The following NPIPB2 variants were observed in gnomAD, a reference collection of about 807,000 sequenced individuals.
The protein encoded by NPIPB2 is nuclear pore complex-interacting protein family member B2.
Under a neutral mutation model 30.8 loss-of-function variants are expected in NPIPB2, and 27 were observed. The ratio of observed to expected loss-of-function variants is 0.88; its 90% CI spans 0.65 to 1.21. The LOEUF is 1.21. Among genes scored for constraint, NPIPB2 ranks in the 50% most tolerant of loss-of-function variants. The probability of loss-of-function intolerance (pLI) is 0.00; values close to 1 mark genes in which losing one functional copy is unlikely to be tolerated. For missense variants in NPIPB2, 440 were observed against 446.2 expected (o/e 0.99, Z 0.13); for synonymous variants, 147 against 162.0 (o/e 0.91, Z 0.70).
intron 1 of NPIPB2, among the ~76,000 whole-genome samples, chr16:11,955,383 G>A (rs1414757786): frequency 2.0e-5 from 3 of 147,196 alleles, no homozygotes; most frequent in Admixed American, 6.9e-5. Flanking sequence ...AAAAGGTTTC[G>A]GGATTTAGAG....
At chr16:11,975,637 C>T (rs145689659) in intron 1 of NPIPB2, among the ~76,000 whole-genome samples, 54 of 152,102 alleles carry the variant, frequency 3.6e-4, no homozygotes, top group Non-Finnish European at 5.6e-4. Context: ...GTCACCCAGG[C>T]TGGAGTGCAG....
At chr16:11,965,650 C>T (rs887292783) in intron 1 of NPIPB2, among the ~76,000 whole-genome samples, 1 of 152,018 alleles carries the variant, frequency 6.6e-6, no homozygotes, top group African/African-American at 2.4e-5. Flanking sequence ...TGATTCAGCA[C>T]TATTAGCAAC....
At chr16:11,934,739 G>A (rs1374241824) in intron 2 of NPIPB2, among the ~76,000 whole-genome samples, 2 of 145,018 alleles carry the variant, frequency 1.4e-5, no homozygotes, top group African/African-American at 2.5e-5. Flanking sequence ...CACGCCTGTA[G>A]CCCCAGCTAC....
At chr16:11,949,959 T>C (rs1054591519) in intron 1 of NPIPB2, among the ~76,000 whole-genome samples, 3 of 152,244 alleles carry the variant, frequency 2.0e-5, no homozygotes, top group African/African-American at 7.2e-5. Context: ...CAGGAATATC[T>C]GGTTCTCATT....
chr16:11,944,035 A>C (rs949463750), upstream of NPIPB2, among the ~76,000 whole-genome samples: 9 of 151,080 alleles, frequency 6.0e-5, no homozygotes, highest in Non-Finnish European at 8.8e-5. Context: ...CTAATAGTAT[A>C]ATTTATAAGA....
chr16:11,976,432 A>C, intron 1 of NPIPB2: 1 of 230,870 alleles, frequency 4.3e-6, no homozygotes, highest in Non-Finnish European at 8.3e-6. Flanking sequence ...CCGTTCCTCT[A>C]TTTTTATTTC....
upstream of NPIPB2, among the ~76,000 whole-genome samples, chr16:11,943,992 T>C (rs1567470648): frequency 1.5e-3 from 1 of 654 alleles, no homozygotes; most frequent in Non-Finnish European, 0.028. Flanking sequence ...AGCAAGACTC[T>C]GTCTCAAAAA....
chr16:11,932,323 A>G (rs1348899352), intron 4 of NPIPB2, among the ~76,000 whole-genome samples: 1 of 151,054 alleles, frequency 6.6e-6, no homozygotes, highest in Admixed American at 6.6e-5. Context: ...CCAAAACATG[A>G]AAGACTGTGA....
At position 11,932,534 on chromosome 16, in the gene NPIPB2, T is replaced by C. The variant is rs151005039; in HGVS notation, c.488+983A>G. On this transcript the variant is annotated intron_variant, in intron 4 of 7. Transcript: ENST00000399147. ...GGCTCATGCCTGTAATCTCAGCACA[T>C]TGGGAGGCCGAGGTGTGCGGATCAT... Among the ~76,000 whole-genome samples the C allele has an allele frequency of 9.3e-3, 1,415 of 151,426 alleles. 17 individuals are homozygous for C. The highest frequency in any genetic ancestry group is 0.025 in the South Asian group (120 of 4,780).
chr16:11,943,140 T>C (rs890940650), upstream of NPIPB2, among the ~76,000 whole-genome samples: 1 of 151,288 alleles, frequency 6.6e-6, no homozygotes, highest in Non-Finnish European at 1.5e-5. Flanking sequence ...GCCAATATGG[T>C]GAAACCCTGT....
chr16:11,939,575 A>T lies in NPIPB2; in HGVS notation c.64-1907T>A, dbSNP rs1338998393. ...ACTCTGTCTCAAAAAAAAAAAAAAA[A>T]AAAAAAATTACCAAGGTGGAGATCA... On this transcript the variant is annotated intron_variant, in intron 1 of 7. Coordinates refer to ENST00000399147, the Ensembl canonical transcript of NPIPB2. Among the ~76,000 whole-genome samples the T allele has an allele frequency of 9.8e-3, 1,301 of 132,758 alleles. 37 individuals are homozygous for T. Among genetic ancestry groups the T allele is most frequent in the African/African-American group, 0.034 (1,253 of 37,282 alleles). The allele number at this position is 132,758 out of a possible 152,430, so 87.1% of individuals were successfully genotyped here. A position where few individuals can be genotyped will look rare whatever the true frequency, so the allele number is the denominator to read the frequency against.
chr16:11,947,843 A>T (rs1596498919), intron 1 of NPIPB2, among the ~76,000 whole-genome samples: 1 of 151,234 alleles, frequency 6.6e-6, no homozygotes, highest in South Asian at 2.1e-4. Flanking sequence ...TCTGGAAGGG[A>T]GCAGCTGGTC....
intron 1 of NPIPB2, chr16:11,965,470 T>A (rs369612176): frequency 1.9e-6 from 3 of 1,613,222 alleles, no homozygotes; most frequent in Non-Finnish European, 2.5e-6. Context: ...TAATATTGCT[T>A]GAACGATTAT....
chr16:11,952,302 C>A (rs1007766908), intron 1 of NPIPB2, among the ~76,000 whole-genome samples: 1 of 151,534 alleles, frequency 6.6e-6, no homozygotes, highest in Admixed American at 6.6e-5. Flanking sequence ...GAGCAGAGAT[C>A]GCGCCACTGC....
intron 1 of NPIPB2, among the ~76,000 whole-genome samples, chr16:11,955,278 T>C (rs934264693): frequency 7.5e-6 from 1 of 133,532 alleles, no homozygotes; most frequent in African/African-American, 2.9e-5. Context: ...CACTTGAACC[T>C]GGGAGGCGGG....
intron 2 of NPIPB2, among the ~76,000 whole-genome samples, chr16:11,935,527 T>C (rs1475172570): frequency 1.3e-5 from 2 of 152,318 alleles, no homozygotes; most frequent in East Asian, 3.9e-4. Flanking sequence ...TTGGCCCATC[T>C]GGTCTTGAAC....
intron 7 of NPIPB2, 108 bp from the exon 8 acceptor site, chr16:11,927,987 C>G: frequency 1.5e-6 from 1 of 657,430 alleles, no homozygotes; most frequent in African/African-American, 2.2e-5. Flanking sequence ...ATTTTTGCAC[C>G]TTTCCATCCT....
intron 4 of NPIPB2, among the ~76,000 whole-genome samples, chr16:11,932,152 T>C (rs199678539): frequency 0.029 from 4,389 of 151,886 alleles, 76 homozygotes; most frequent in Middle Eastern, 0.079. Flanking sequence ...GCAGCCTGTA[T>C]GGAGGACCCC....
At chr16:11,931,606 G>A (rs1318433595) in intron 4 of NPIPB2, among the ~76,000 whole-genome samples, 1 of 151,736 alleles carries the variant, frequency 6.6e-6, no homozygotes, top group Non-Finnish European at 1.5e-5. Context: ...GAAGCTCACA[G>A]CTTAATGCAA....
Sources: gnomAD v4.1 joint callset for allele counts (sites outside exome capture counted in the v4.1 genomes callset) on GRCh38, gnomAD v4.1.1 for gene constraint, MANE v1.5 for transcripts, NCBI Gene and HGNC (gene_info 2026-07-23, HGNC 2026-07-21) for gene names.